Variants in RBFOX1 observed in about 807,000 individuals in gnomAD.
The protein encoded by RBFOX1 is RNA binding fox-1 homolog 1, also known as RNA binding protein fox-1 homolog 1.
RBFOX1 carries 8 observed loss-of-function variants against 57.7 expected under a neutral mutation model. That is an observed-to-expected ratio of 0.14 (90% CI 0.08 to 0.25). The LOEUF (loss-of-function observed/expected upper bound fraction) is 0.25, where lower values mean the gene tolerates loss of function less well. Among genes scored for constraint, RBFOX1 ranks in the 10% least tolerant of loss-of-function variants. RBFOX1 has a pLI of 1.00. For missense variants in RBFOX1, 611 were observed against 548.5 expected, an observed-to-expected ratio of 1.11 and a Z score of -1.14; for synonymous variants, 326 against 222.4, an observed-to-expected ratio of 1.47 and a Z score of -4.15.
At chr16:6,514,593 G>A (rs930004254) in intron 2 of RBFOX1, among the ~76,000 whole-genome samples, 14 of 152,134 alleles carry the variant, frequency 9.2e-5, no homozygotes, top group African/African-American at 2.9e-4. Flanking sequence ...CATTCCTGAT[G>A]TTCCCCTCAC....
At chr16:6,498,238 A>G (rs1351106954) in intron 2 of RBFOX1, among the ~76,000 whole-genome samples, 2 of 142,076 alleles carry the variant, frequency 1.4e-5, no homozygotes, top group African/African-American at 5.2e-5. Flanking sequence ...GGTGACAGAG[A>G]GGAACTCCGT....
At chr16:6,103,176 C>T (rs926135073) in intron 1 of RBFOX1, among the ~76,000 whole-genome samples, 6 of 152,134 alleles carry the variant, frequency 3.9e-5, no homozygotes, top group African/African-American at 1.4e-4. Context: ...CAGTTCCATC[C>T]AAGTCATGCA....
Position 7,452,705 on chromosome 16 carries a change from T to G in RBFOX1, c.28-65442T>G, listed in dbSNP as rs552187355. 4.6e-5 allele frequency among the ~76,000 whole-genome samples: 7 copies of G among 152,348 alleles called. No individual in the cohort carries two copies. In the South Asian group the frequency reaches 1.4e-3, roughly 32 times the overall value. On this transcript the variant is annotated intron_variant, in intron 4 of 15. Coordinates refer to ENST00000550418, the MANE Select transcript of RBFOX1 (RefSeq NM_018723.4). ...ATTTTAGGCTACACTGCTTAAAACC[T>G]TTAATGATTCCCTATTCTTAGGATA...
chr16:7,286,254 T>C (rs1002960777), intron 4 of RBFOX1, among the ~76,000 whole-genome samples: 3 of 152,278 alleles, frequency 2.0e-5, no homozygotes, highest in Non-Finnish European at 4.4e-5. Flanking sequence ...TTGTAAGATA[T>C]GATTTTGGTT....
intron 4 of RBFOX1, among the ~76,000 whole-genome samples, chr16:7,238,047 A>G (rs973064983): frequency 1.3e-5 from 2 of 152,238 alleles, no homozygotes; most frequent in Non-Finnish European, 2.9e-5. Context: ...ACATAGATGA[A>G]CCTTGAGGAC....
chr16:7,365,056 A>T (rs927881041), intron 4 of RBFOX1, among the ~76,000 whole-genome samples: 6 of 152,118 alleles, frequency 3.9e-5, no homozygotes, highest in African/African-American at 1.2e-4. Flanking sequence ...TCTATCAATC[A>T]TCTATCTATC....
intron 4 of RBFOX1, among the ~76,000 whole-genome samples, chr16:7,133,716 C>G (rs953165431): frequency 2.0e-5 from 3 of 152,010 alleles, no homozygotes; most frequent in South Asian, 2.1e-4. Flanking sequence ...TTTCTGAGTT[C>G]TGCTTATAGT....
At chr16:5,550,808 A>G (rs901396375) in intron 2 of RBFOX1, among the ~76,000 whole-genome samples, 92 of 152,302 alleles carry the variant, frequency 6.0e-4, no homozygotes, top group African/African-American at 2.0e-3. Flanking sequence ...TTCATTTCAA[A>G]AAAGAATTGT....
chr16:7,218,056 C>T (rs1056963575), intron 4 of RBFOX1, among the ~76,000 whole-genome samples: 3 of 133,688 alleles, frequency 2.2e-5, no homozygotes, highest in Non-Finnish European at 4.7e-5. Context: ...CATTTGCATG[C>T]GTGTGCGTGT....
chr16:6,617,528 A>T (rs759282186), intron 2 of RBFOX1, among the ~76,000 whole-genome samples: 5 of 151,942 alleles, frequency 3.3e-5, no homozygotes, highest in African/African-American at 9.7e-5. Context: ...CCCTATAGAG[A>T]TGAGATCAAG....
At chr16:7,397,356 T>G (rs1284498177) in intron 4 of RBFOX1, among the ~76,000 whole-genome samples, 4 of 152,202 alleles carry the variant, frequency 2.6e-5, no homozygotes, top group African/African-American at 9.7e-5. Context: ...ACCACTTATC[T>G]GCAGACTGTA....
intron 1 of RBFOX1, among the ~76,000 whole-genome samples, chr16:5,278,984 A>G (rs2063207119): frequency 6.6e-6 from 1 of 152,180 alleles, no homozygotes; most frequent in Admixed American, 6.5e-5. Context: ...TGTTTTGGTT[A>G]CTATAGCTTT....
At chr16:5,955,774 A>T (rs2152282292) in intron 4 of RBFOX1, among the ~76,000 whole-genome samples, 1 of 152,332 alleles carries the variant, frequency 6.6e-6, no homozygotes, top group East Asian at 1.9e-4. Context: ...CAATAAGAAA[A>T]AGGCAGTGAC....
At chr16:7,178,127 C>T (rs1391991395) in intron 4 of RBFOX1, among the ~76,000 whole-genome samples, 3 of 152,194 alleles carry the variant, frequency 2.0e-5, no homozygotes, top group Admixed American at 2.0e-4. Context: ...GTGACAGCAG[C>T]AGCAGCAACA....
intron 5 of RBFOX1, among the ~76,000 whole-genome samples, chr16:7,578,021 G>A (rs985806534): frequency 6.6e-6 from 1 of 152,368 alleles, no homozygotes; most frequent in East Asian, 1.9e-4. Flanking sequence ...CCAACACAAA[G>A]CAGTTGCTCA....
chr16:7,045,165 C>T (rs145656888), intron 3 of RBFOX1, among the ~76,000 whole-genome samples: 3 of 152,212 alleles, frequency 2.0e-5, no homozygotes, highest in Non-Finnish European at 4.4e-5. Flanking sequence ...TGGATTGACT[C>T]AAATTGGCCA....
intron 2 of RBFOX1, among the ~76,000 whole-genome samples, chr16:6,321,076 G>A (rs2152786398): frequency 6.6e-6 from 1 of 152,330 alleles, no homozygotes; most frequent in South Asian, 2.1e-4. Context: ...TTACAGGCAT[G>A]AGCCATCACG....
intron 2 of RBFOX1, among the ~76,000 whole-genome samples, chr16:6,600,051 G>A (rs893088531): frequency 6.6e-6 from 1 of 152,188 alleles, no homozygotes; most frequent in South Asian, 2.1e-4. Context: ...GCACTGCTGG[G>A]ACTGGAACAT....
chr16:7,127,992 C>A (rs966987750), intron 4 of RBFOX1, among the ~76,000 whole-genome samples: 1 of 152,134 alleles, frequency 6.6e-6, no homozygotes, highest in Non-Finnish European at 1.5e-5. Flanking sequence ...CACAAATACA[C>A]GGTTTGAAAT....
Sources: gnomAD v4.1 joint callset for allele counts (sites outside exome capture counted in the v4.1 genomes callset) on GRCh38, gnomAD v4.1.1 for gene constraint, MANE v1.5 for transcripts, NCBI Gene and HGNC (gene_info 2026-07-23, HGNC 2026-07-21) for gene names.